NRG1: variants seen among roughly 807,000 people sequenced by gnomAD.
NRG1 encodes the protein pro-neuregulin-1, membrane-bound isoform.
NRG1 carries 18 observed loss-of-function variants against 63.8 expected under a neutral mutation model. The observed-to-expected ratio is 0.28, with a 90% confidence interval of 0.19 to 0.42. The LOEUF (loss-of-function observed/expected upper bound fraction) is 0.42. Ranked by LOEUF, NRG1 falls within the 10% of genes least tolerant of loss-of-function variation. The pLI, the probability that NRG1 is intolerant of heterozygous loss-of-function variation, is 1.00. For missense variants in NRG1, 762 were observed against 814.7 expected (o/e 0.94, Z 0.79); for synonymous variants, 302 against 301.3 (o/e 1.00, Z -0.02).
At chr8:32,279,992 C>T (rs534939811) in intron 1 of NRG1, among the ~76,000 whole-genome samples, 1 of 152,356 alleles carries the variant, frequency 6.6e-6, no homozygotes, top group Non-Finnish European at 1.5e-5. Flanking sequence ...GCCCAGACTT[C>T]TGACTTCACT....
chr8:32,373,484 C>CA (rs5890643), intron 1 of NRG1, among the ~76,000 whole-genome samples: 122,393 of 152,092 alleles, frequency 0.8, 49,361 homozygotes, highest in Middle Eastern at 0.89. Flanking sequence ...ATCTCTACAA[C>CA]GAGAAAAATG....
chr8:32,322,355 T>TTATATATATATATATATA (rs149742517), intron 1 of NRG1, among the ~76,000 whole-genome samples: 32 of 142,650 alleles, frequency 2.2e-4, no homozygotes, highest in African/African-American at 8.4e-4. Context: ...CAACCTTATT[T>TTATATATATATATATATA]TATATATATA....
intron 1 of NRG1, among the ~76,000 whole-genome samples, chr8:32,128,037 A>G (rs1834330403): frequency 6.6e-6 from 1 of 151,998 alleles, no homozygotes; most frequent in Admixed American, 6.6e-5. Flanking sequence ...AGTCAAATGT[A>G]ATGACACAAT....
intron 1 of NRG1, among the ~76,000 whole-genome samples, chr8:31,839,995 A>C (rs575724858): frequency 6.6e-6 from 1 of 152,184 alleles, no homozygotes; most frequent in African/African-American, 2.4e-5. Context: ...ATGGTCTAGA[A>C]TAACAGAATT....
chr8:31,800,190 C>A (rs1821621617), intron 1 of NRG1, among the ~76,000 whole-genome samples: 1 of 151,878 alleles, frequency 6.6e-6, no homozygotes, highest in South Asian at 2.1e-4. Context: ...ATGATCATAA[C>A]AAAAAAAGCA....
At chr8:31,909,176 G>A (rs1832751558) in intron 1 of NRG1, among the ~76,000 whole-genome samples, 1 of 152,076 alleles carries the variant, frequency 6.6e-6, no homozygotes, top group Non-Finnish European at 1.5e-5. Flanking sequence ...CAAGAAAATA[G>A]GCTCCATTTT....
intron 1 of NRG1, among the ~76,000 whole-genome samples, chr8:32,366,378 T>C (rs1477836678): frequency 6.6e-6 from 1 of 152,136 alleles, no homozygotes; most frequent in East Asian, 1.9e-4. Flanking sequence ...CTCTAGTAAC[T>C]ACCATTTTAC....
chr8:31,798,061 T>C (rs546608595), intron 1 of NRG1, among the ~76,000 whole-genome samples: 2 of 151,902 alleles, frequency 1.3e-5, no homozygotes, highest in South Asian at 4.2e-4. Context: ...GAGGGAACGG[T>C]TGGTTAAGGA....
At chr8:32,374,626 C>T (rs1587179140) in intron 1 of NRG1, among the ~76,000 whole-genome samples, 1 of 152,312 alleles carries the variant, frequency 6.6e-6, no homozygotes, top group South Asian at 2.1e-4. Flanking sequence ...TGCCTCCCAA[C>T]ATCTTCACCT....
At chr8:32,600,902 G>T (rs2439285) in intron 2 of NRG1, among the ~76,000 whole-genome samples, 173 of 152,142 alleles carry the variant, frequency 1.1e-3, no homozygotes, top group Non-Finnish European at 1.4e-3. Flanking sequence ...GACTATAAGG[G>T]AATCAAGTAG....
At chr8:31,702,441 T>C (rs1311147760) in intron 1 of NRG1, among the ~76,000 whole-genome samples, 1 of 139,740 alleles carries the variant, frequency 7.2e-6, no homozygotes, top group Non-Finnish European at 1.6e-5. Context: ...TACCTAAAAT[T>C]TCCCATAACA....
rs777210062 is a variant in NRG1 at position 31,825,212 on chromosome 8, A to AC, written c.37+185785dup. On this transcript the variant is annotated intron_variant, in intron 1 of 10. Transcript: ENST00000519301. ...AGACCATCCTGGCTAACATGGTGAA[A>AC]CCCCTTCTCTACTAAAAATACAAAA... Among the ~76,000 whole-genome samples the AC allele has an allele frequency of 5.3e-5, 8 of 152,072 alleles. No homozygotes were observed. In the East Asian group the frequency reaches 1.6e-3, roughly 30 times the overall value.
intron 1 of NRG1, among the ~76,000 whole-genome samples, chr8:32,426,026 C>T (rs560501746): frequency 6.6e-6 from 1 of 152,038 alleles, no homozygotes; most frequent in Non-Finnish European, 1.5e-5. Context: ...TATAAAGAAA[C>T]ATAAAGGTGA....
intron 1 of NRG1, among the ~76,000 whole-genome samples, chr8:31,775,643 G>A (rs1207445747): frequency 1.3e-5 from 2 of 151,884 alleles, no homozygotes; most frequent in East Asian, 1.9e-4. Flanking sequence ...ATCCCAGCAC[G>A]GAGGCCAAGG....
At chr8:32,703,545 A>T (rs1166830834) in intron 5 of NRG1, among the ~76,000 whole-genome samples, 1 of 151,778 alleles carries the variant, frequency 6.6e-6, no homozygotes, top group Non-Finnish European at 1.5e-5. Flanking sequence ...AAAAAAAAAG[A>T]AAAGAAAAGA....
chr8:32,113,262 G>A (rs541578410), intron 1 of NRG1, among the ~76,000 whole-genome samples: 107 of 152,266 alleles, frequency 7.0e-4, no homozygotes, highest in Non-Finnish European at 1.4e-3. Flanking sequence ...ATGGTGAGAG[G>A]CACGGGGAAG....
At chr8:32,595,862 G>A (rs767020919) in exon 2 of NRG1, 2 of 1,612,654 alleles carry the variant, frequency 1.2e-6, no homozygotes, top group Non-Finnish European at 8.5e-7. Flanking sequence ...TGAAAAGCCA[G>A]GAATCGGCTG....
chr8:32,271,036 G>T (rs1851489837), intron 1 of NRG1, among the ~76,000 whole-genome samples: 1 of 152,074 alleles, frequency 6.6e-6, no homozygotes, highest in Admixed American at 6.6e-5. Context: ...TAGATGAAAA[G>T]TGTTTTGGGG....
intron 1 of NRG1, among the ~76,000 whole-genome samples, chr8:31,938,086 T>A (rs1018643430): frequency 1.3e-5 from 2 of 152,050 alleles, no homozygotes; most frequent in Non-Finnish European, 2.9e-5. Context: ...AAATGACACC[T>A]CCTGGCTGGA....
Sources: gnomAD v4.1 joint callset for allele counts (sites outside exome capture counted in the v4.1 genomes callset) on GRCh38, gnomAD v4.1.1 for gene constraint, MANE v1.5 for transcripts, NCBI Gene and HGNC (gene_info 2026-07-23, HGNC 2026-07-21) for gene names.